The following TSPAN9 variants were observed in gnomAD, a reference collection of about 807,000 sequenced individuals.
TSPAN9 encodes tetraspanin 9, also known as tetraspanin-9.
Under a neutral mutation model 31.0 loss-of-function variants are expected in TSPAN9, and 16 were observed. That is an observed-to-expected ratio of 0.52 (90% CI 0.35 to 0.78). The LOEUF (loss-of-function observed/expected upper bound fraction) is 0.78. TSPAN9 is among the 30% of genes least tolerant of loss of function. The pLI, the probability that TSPAN9 is intolerant of heterozygous loss-of-function variation, is 0.01. For missense variants in TSPAN9, 272 were observed against 312.5 expected, an observed-to-expected ratio of 0.87 and a Z score of 0.98; for synonymous variants, 145 against 121.6, an observed-to-expected ratio of 1.19 and a Z score of -1.27.
At chr12:3,227,803 G>A (rs547352880) in intron 3 of TSPAN9, among the ~76,000 whole-genome samples, 4 of 152,306 alleles carry the variant, frequency 2.6e-5, no homozygotes, top group East Asian at 3.9e-4. Flanking sequence ...GGAGGAAGCC[G>A]GTTGGCAGGC....
intron 3 of TSPAN9, among the ~76,000 whole-genome samples, chr12:3,214,782 A>C (rs1461726046): frequency 6.6e-6 from 1 of 152,004 alleles, no homozygotes; most frequent in Non-Finnish European, 1.5e-5. Flanking sequence ...TGTTTGACAC[A>C]CAGAACTGTC....
rs960142883 is a variant in TSPAN9 at position 3,170,620 on chromosome 12, C to T, written c.-17-30557C>T. Among the ~76,000 whole-genome samples the T allele has an allele frequency of 6.6e-6, 1 of 152,026 alleles. No homozygotes were observed. Among genetic ancestry groups the T allele is most frequent in the Non-Finnish European group, 1.5e-5 (1 of 68,006 alleles). On this transcript the variant is annotated intron_variant, in intron 2 of 8. Coordinates refer to ENST00000011898, the MANE Select transcript of TSPAN9 (RefSeq NM_006675.5). This position sits in a 1 kb window ranked among gnomAD's most constrained non-coding sequence, Gnocchi z 4.4. ...GGGGTCGTGATGGGGGAGCAGATGG[C>T]CCTGGTCATGCATGTGGCTTCTCCT...
Position 3,283,193 on chromosome 12 carries a change from G to A in TSPAN9, c.*77G>A. 1 of 1,502,368 alleles carries A rather than the reference G, an allele frequency of 6.7e-7. No homozygotes were observed. Among genetic ancestry groups the A allele is most frequent in the Non-Finnish European group, 9.1e-7 (1 of 1,096,516 alleles). The allele number at this position is 1,502,368 out of a possible 1,614,324, so 93.1% of individuals were successfully genotyped here. On this transcript the variant is annotated 3_prime_UTR_variant, in exon 9 of 9. Coordinates refer to ENST00000011898, the MANE Select transcript of TSPAN9 (RefSeq NM_006675.5). ...GGATTGAGCTTTGTGTCACCTGCCT[G>A]CGCTCTCCAGATATGACCCCTGCAC...
Position 3,278,988 on chromosome 12 carries a change from C to G in TSPAN9, c.256-4C>G. ...CTACCCATGCCTGGCCCTTTCCTTT[C>G]CAGTTTTTCATCGTCCTGTTGGTCA... On this transcript the variant is annotated splice_region_variant and splice_polypyrimidine_tract_variant and intron_variant, in intron 4 of 8. Transcript: ENST00000011898. The G allele has an allele frequency of 1.2e-6, 2 of 1,614,172 alleles. No homozygotes were observed. Among genetic ancestry groups the G allele is most frequent in the Non-Finnish European group, 1.7e-6 (2 of 1,180,002 alleles).
intron 2 of TSPAN9, among the ~76,000 whole-genome samples, chr12:3,179,316 C>T (rs564835087): frequency 6.6e-6 from 1 of 152,166 alleles, no homozygotes; most frequent in Non-Finnish European, 1.5e-5. Context: ...GGGGTTCAAC[C>T]GGCCCAGGGT....
intron 2 of TSPAN9, among the ~76,000 whole-genome samples, chr12:3,176,359 T>A (rs1052677599): frequency 6.6e-6 from 1 of 152,182 alleles, no homozygotes; most frequent in African/African-American, 2.4e-5. Flanking sequence ...GGGCATGTGC[T>A]CTGCACAGGG....
chr12:3,220,608 C>T (rs1228680078), intron 3 of TSPAN9, among the ~76,000 whole-genome samples: 4 of 152,224 alleles, frequency 2.6e-5, no homozygotes, highest in Non-Finnish European at 4.4e-5. Context: ...CAGAGGAATC[C>T]GATGTTGATA....
At chr12:3,268,149 G>C (rs1275529134) in intron 3 of TSPAN9, among the ~76,000 whole-genome samples, 1 of 150,094 alleles carries the variant, frequency 6.7e-6, no homozygotes, top group East Asian at 2.0e-4. Flanking sequence ...GCTGCAGCCT[G>C]CCCTCCGTGC....
At chr12:3,201,009 C>G (rs1396265842) in intron 2 of TSPAN9, 168 bp from the exon 3 acceptor site, 5 of 614,704 alleles carry the variant, frequency 8.1e-6, no homozygotes, top group Non-Finnish European at 1.4e-5. Flanking sequence ...CCGTCCACCT[C>G]CGGCCGCCCG....
chr12:3,079,928 C>T (rs2098297052), intron 1 of TSPAN9, among the ~76,000 whole-genome samples: 1 of 150,682 alleles, frequency 6.6e-6, no homozygotes, highest in South Asian at 2.1e-4. Flanking sequence ...AGGCCCCATG[C>T]TCAGATAATT....
chr12:3,090,622 C>T (rs986686524), intron 2 of TSPAN9, among the ~76,000 whole-genome samples: 7 of 152,236 alleles, frequency 4.6e-5, no homozygotes, highest in African/African-American at 1.7e-4. Flanking sequence ...AGTCATGGGA[C>T]CAGCAGAACT....
At chr12:3,253,467 C>T (rs1179096144) in intron 3 of TSPAN9, among the ~76,000 whole-genome samples, 1 of 152,166 alleles carries the variant, frequency 6.6e-6, no homozygotes, top group East Asian at 1.9e-4. Flanking sequence ...CACCCACCTC[C>T]TCATAGGTTG....
intron 3 of TSPAN9, among the ~76,000 whole-genome samples, chr12:3,268,072 G>C (rs1272321636): frequency 1.3e-5 from 2 of 152,228 alleles, no homozygotes; most frequent in Non-Finnish European, 1.5e-5. Context: ...GAAGCCTCCA[G>C]TGGAGGCCAT....
chr12:3,102,684 G>A (rs1175447345), intron 2 of TSPAN9, among the ~76,000 whole-genome samples: 2 of 152,128 alleles, frequency 1.3e-5, no homozygotes, highest in East Asian at 3.9e-4. Flanking sequence ...TGATCCGACC[G>A]CCTCGGCCTT....
intron 2 of TSPAN9, among the ~76,000 whole-genome samples, chr12:3,111,560 C>T (rs552878861): frequency 6.6e-6 from 1 of 150,416 alleles, no homozygotes; most frequent in Non-Finnish European, 1.5e-5. Context: ...AAAATAGATA[C>T]TAACACAAAA....
chr12:3,277,964 C>T (rs558194480), intron 3 of TSPAN9, among the ~76,000 whole-genome samples: 2 of 152,320 alleles, frequency 1.3e-5, no homozygotes, highest in East Asian at 1.9e-4. Context: ...AACCCGACTC[C>T]GAGGGTCCCT....
chr12:3,276,473 G>A (rs187356895), intron 3 of TSPAN9, among the ~76,000 whole-genome samples: 255 of 152,294 alleles, frequency 1.7e-3, no homozygotes, highest in African/African-American at 5.8e-3. Flanking sequence ...GGCTGGCCAG[G>A]CTCCTTCCCA....
chr12:3,266,866 C>T (rs763398121), intron 3 of TSPAN9, among the ~76,000 whole-genome samples: 23 of 152,316 alleles, frequency 1.5e-4, no homozygotes, highest in Middle Eastern at 3.4e-3. Context: ...TGGGCCCTGT[C>T]AAAGGGCTAG....
intron 2 of TSPAN9, among the ~76,000 whole-genome samples, chr12:3,155,986 AG>A (rs772848127): frequency 6.6e-6 from 1 of 152,206 alleles, no homozygotes; most frequent in Non-Finnish European, 1.5e-5. Flanking sequence ...GTATGAGCCT[AG>A]TGATACTTAA....
Sources: gnomAD v4.1 joint callset for allele counts (sites outside exome capture counted in the v4.1 genomes callset) on GRCh38, gnomAD v4.1.1 for gene constraint, Gnocchi (gnomAD v3.1) non-coding constraint, MANE v1.5 for transcripts, NCBI Gene and HGNC (gene_info 2026-07-23, HGNC 2026-07-21) for gene names.